The following TRABD2A variants were observed in gnomAD, a reference collection of about 807,000 sequenced individuals.
TRABD2A encodes the protein metalloprotease TIKI1.
Under a neutral mutation model 45.6 loss-of-function variants are expected in TRABD2A, and 43 were observed. That is an observed-to-expected ratio of 0.94 (90% confidence interval 0.74 to 1.22). The LOEUF (loss-of-function observed/expected upper bound fraction) is 1.22. TRABD2A is among the 50% of genes most tolerant of loss of function. The probability of loss-of-function intolerance (pLI) is 0.00; values close to 1 mark genes in which losing one functional copy is unlikely to be tolerated. For missense variants in TRABD2A, 642 were observed against 652.4 expected, an observed-to-expected ratio of 0.98 and a Z score of 0.17; for synonymous variants, 269 against 265.0, an observed-to-expected ratio of 1.02 and a Z score of -0.15.
At chr2:84,828,059 T>C (rs1681200291) in intron 5 of TRABD2A, among the ~76,000 whole-genome samples, 1 of 152,208 alleles carries the variant, frequency 6.6e-6, no homozygotes, top group South Asian at 2.1e-4. Flanking sequence ...TAACATAGTA[T>C]CCATTACCCC....
intron 5 of TRABD2A, among the ~76,000 whole-genome samples, chr2:84,828,020 G>A (rs1681199398): frequency 6.6e-6 from 1 of 152,200 alleles, no homozygotes; most frequent in African/African-American, 2.4e-5. Context: ...TTGAGTTTGT[G>A]ATAATTTGTT....
intron 2 of TRABD2A, among the ~76,000 whole-genome samples, chr2:84,867,228 G>A (rs1682710002): frequency 6.6e-6 from 1 of 152,142 alleles, no homozygotes; most frequent in South Asian, 2.1e-4. Context: ...TAACCTCAAG[G>A]TCTTATAAGA....
At chr2:84,858,301 C>T (rs1292121141) in intron 2 of TRABD2A, among the ~76,000 whole-genome samples, 2 of 152,086 alleles carry the variant, frequency 1.3e-5, no homozygotes, top group East Asian at 3.9e-4. Context: ...TACACAAATG[C>T]TCATATAGCC....
intron 2 of TRABD2A, among the ~76,000 whole-genome samples, chr2:84,844,622 T>C (rs1408527461): frequency 1.3e-5 from 2 of 152,192 alleles, no homozygotes; most frequent in Non-Finnish European, 2.9e-5. Context: ...AGCCCCTGCA[T>C]TCTAAAGCCA....
At chr2:84,874,724 CA>C in intron 1 of TRABD2A, 5 of 231,062 alleles carry the variant, frequency 2.2e-5, no homozygotes, top group Non-Finnish European at 2.6e-5. Flanking sequence ...CGTCTGTCTC[CA>C]AAAAAGGTTG....
In TRABD2A at chr2:84,830,781, A is replaced by G. The variant is rs1042294314; in HGVS notation, c.1082+1274T>C. On this transcript the variant is annotated intron_variant, in intron 5 of 6. Transcript: ENST00000409520. This position sits in a 1 kb window ranked among gnomAD's most constrained non-coding sequence, Gnocchi z 4.9. ...ATTTCCCGCCTGAAGGGAGACTGGC[A>G]GGAGCCTCTGGGGTGAGGGGGAACA... Among the ~76,000 whole-genome samples the G allele has an allele frequency of 1.3e-5, 2 of 152,192 alleles. No individual in the cohort carries two copies. The highest frequency in any genetic ancestry group is 2.9e-5 in the Non-Finnish European group (2 of 68,028).
intron 2 of TRABD2A, among the ~76,000 whole-genome samples, chr2:84,862,163 C>A (rs138783660): frequency 5.4e-4 from 82 of 152,322 alleles, no homozygotes; most frequent in Middle Eastern, 3.4e-3. Context: ...CTTGGAGGAT[C>A]CCAGTACAAC....
chr2:84,857,574 T>A (rs1682355684), intron 2 of TRABD2A, among the ~76,000 whole-genome samples: 1 of 152,236 alleles, frequency 6.6e-6, no homozygotes, highest in Non-Finnish European at 1.5e-5. Context: ...CTGGCATTTC[T>A]CTTAATTTTC....
At position 84,829,390 on chromosome 2, in the gene TRABD2A, ACACACACAC is replaced by A. The variant is rs1240189521; in HGVS notation, c.1082+2656_1082+2664del. On this transcript the variant is annotated intron_variant, in intron 5 of 6. Transcript: ENST00000409520. The stretch of plus-strand genomic sequence containing the variant: ...CACACACACACACACACACACACAC[ACACACACAC>A]CACACACACCACACATACCACACAC... 4.6e-5 allele frequency among the ~76,000 whole-genome samples: 5 copies of A among 108,736 alleles called. No individual in the cohort carries two copies. In the East Asian group the frequency reaches 8.9e-4, roughly 19 times the overall value. The allele number at this position is 108,736 out of a possible 152,430, so 71.3% of individuals were successfully genotyped here.
intron 2 of TRABD2A, among the ~76,000 whole-genome samples, chr2:84,869,807 C>T (rs923703832): frequency 4.6e-5 from 7 of 151,664 alleles, no homozygotes; most frequent in Non-Finnish European, 1.0e-4. Flanking sequence ...GGCAAAACCT[C>T]GTCTCTACTA....
At chr2:84,844,810 C>T (rs575862484) in intron 2 of TRABD2A, among the ~76,000 whole-genome samples, 2 of 152,242 alleles carry the variant, frequency 1.3e-5, no homozygotes, top group Non-Finnish European at 2.9e-5. Context: ...CTCATCCAAG[C>T]CAAATCCTCA....
rs766944169 is a variant in TRABD2A, at chr2:84,821,915, C to A, written c.*2G>T. ...AGGTTCTTAGCCTGGTGCTTCCAGT[C>A]GTTACAGGAGGGGTGTCTCTGTTTG... On this transcript the variant is annotated 3_prime_UTR_variant, in exon 7 of 7. Transcript: ENST00000409520. The A allele has an allele frequency of 4.4e-6, 7 of 1,586,264 alleles. No individual in the cohort carries two copies. In the Admixed American group the frequency reaches 1.1e-4, roughly 24 times the overall value.
At chr2:84,873,357 T>C (rs1176354935) in intron 1 of TRABD2A, among the ~76,000 whole-genome samples, 1 of 151,050 alleles carries the variant, frequency 6.6e-6, no homozygotes, top group Non-Finnish European at 1.5e-5. Flanking sequence ...GAGGCAGAGG[T>C]TTCAGTGAGC....
chr2:84,836,452 C>G (rs1681513472), intron 4 of TRABD2A: 1 of 152,178 alleles, frequency 6.6e-6, no homozygotes, highest in Non-Finnish European at 1.5e-5. Flanking sequence ...GCTTTGCTCT[C>G]ACTGCTTTCA....
chr2:84,878,239 G>T (rs1477619165), intron 1 of TRABD2A, among the ~76,000 whole-genome samples: 1 of 152,076 alleles, frequency 6.6e-6, no homozygotes, highest in Non-Finnish European at 1.5e-5. Context: ...AGTATAAAAG[G>T]CATCAGGCTG....
Position 84,870,207 on chromosome 2 carries a change from A to G in TRABD2A, c.669+18T>C. 1 of 1,586,160 alleles carries G rather than the reference A, an allele frequency of 6.3e-7. No individual in the cohort carries two copies. Among genetic ancestry groups the G allele is most frequent in the Non-Finnish European group, 8.6e-7 (1 of 1,162,960 alleles). Reference sequence around the variant, plus strand: ...ACAACCAAATGCCACTAAGTCTTTTATGCAAAGAGAGTCTTACCTGTGAAA... The same window carrying G: ...ACAACCAAATGCCACTAAGTCTTTTGTGCAAAGAGAGTCTTACCTGTGAAA... On this transcript the variant is annotated intron_variant, in intron 2 of 6. Coordinates refer to ENST00000409520, the MANE Select transcript of TRABD2A (RefSeq NM_001277053.2).
intron 4 of TRABD2A, chr2:84,837,866 T>A (rs1489425386): frequency 9.9e-6 from 2 of 201,070 alleles, no homozygotes; most frequent in Non-Finnish European, 2.0e-5. Context: ...TGTGACTCTC[T>A]AGGAATATTT....
Position 84,870,253 on chromosome 2 carries a change from T to C in TRABD2A, c.641A>G (p.His214Arg), listed in dbSNP as rs1245250793. ...TGAAAAGTTCAACCCATTCAATGGATGGCACTGCTCTTCCACCTTTTCCAC... is the reference window on the plus strand; with the variant it reads ...TGAAAAGTTCAACCCATTCAATGGACGGCACTGCTCTTCCACCTTTTCCAC... ...GAVEKVEEQCHPLNGLNFSQV... is the reference protein window; with the variant it reads ...GAVEKVEEQCRPLNGLNFSQV... The change falls in exon 2 of 7, where the codon CAT becomes CGT. Residue 214 changes from histidine to arginine, a missense_variant. Physicochemically the swap from His to Arg is conservative, Grantham distance 29 (BLOSUM62 0). Transcript: ENST00000409520. 3 of 1,613,384 alleles carry C rather than the reference T, an allele frequency of 1.9e-6. No homozygotes were observed. Among genetic ancestry groups the C allele is most frequent in the Non-Finnish European group, 2.5e-6 (3 of 1,179,464 alleles).
intron 2 of TRABD2A, among the ~76,000 whole-genome samples, chr2:84,851,745 G>A (rs1349645025): frequency 6.6e-6 from 1 of 152,226 alleles, no homozygotes; most frequent in Non-Finnish European, 1.5e-5. Flanking sequence ...ACCAGCACAA[G>A]TATGTAATAT....
Sources: allele counts gnomAD v4.1 joint callset (sites outside exome capture counted in the v4.1 genomes callset), GRCh38; gene constraint gnomAD v4.1.1; non-coding constraint Gnocchi (gnomAD v3.1); transcripts MANE v1.5; gene names NCBI Gene and HGNC (gene_info 2026-07-23, HGNC 2026-07-21).